ALK: variants seen among roughly 807,000 people sequenced by gnomAD.
The protein encoded by ALK is ALK receptor tyrosine kinase.
Under a neutral mutation model 163.1 loss-of-function variants are expected in ALK, and 74 were observed. The observed-to-expected ratio is 0.45, with a 90% CI of 0.38 to 0.55. ALK has a LOEUF of 0.55. Among genes scored for constraint, ALK ranks in the 20% least tolerant of loss-of-function variants. The pLI is 0.00. For missense variants in ALK, 2,063 were observed against 2,105.3 expected (o/e 0.98, Z 0.39); for synonymous variants, 960 against 843.2 (o/e 1.14, Z -2.40).
At chr2:29,566,018 G>A (rs1674176281) in intron 3 of ALK, among the ~76,000 whole-genome samples, 1 of 152,138 alleles carries the variant, frequency 6.6e-6, no homozygotes, top group Non-Finnish European at 1.5e-5. Context: ...AGCTGTGGAA[G>A]GTCTCCAGGA....
Position 29,228,927 on chromosome 2 carries a change from A to AAC in ALK, c.2771_2772insGT (p.Gly925LeufsTer15). The AAC allele has an allele frequency of 1.8e-6, 1 of 565,832 alleles. No individual in the cohort carries two copies. The highest frequency in any genetic ancestry group is 2.8e-6 in the Non-Finnish European group (1 of 361,464). 35.1% of individuals were successfully genotyped at this position (565,832 alleles called of 1,614,324 possible). A position where few individuals can be genotyped will look rare whatever the true frequency, so the allele number is the denominator to read the frequency against. ...CTCCACCTGAGGAGCACCCCCCTCC[A>AAC]CCCCCTCCGAAACCCCCTCTTGTCT... On this transcript the variant is annotated frameshift_variant, in exon 16 of 29. Transcript: ENST00000389048. LOFTEE classifies it high-confidence loss of function.
intron 7 of ALK, 52 bp from the exon 8 acceptor site, chr2:29,318,456 C>G (rs1309126302): frequency 7.6e-7 from 1 of 1,315,720 alleles, no homozygotes; most frequent in South Asian, 1.2e-5. Flanking sequence ...AACTGGGGGA[C>G]CAGGGGTGCA....
chr2:29,524,691 G>A (rs1476607115), intron 4 of ALK, among the ~76,000 whole-genome samples: 2 of 152,222 alleles, frequency 1.3e-5, no homozygotes, highest in Admixed American at 1.3e-4. Context: ...CTGTGGCTCT[G>A]TTGTTAACCT....
rs565129664 is a variant in ALK, at chr2:29,364,141, G to A, written c.1282+19591C>T. Among the ~76,000 whole-genome samples, 8 of 152,246 alleles carry A rather than the reference G, an allele frequency of 5.3e-5. No homozygotes were observed. In the East Asian group the frequency reaches 7.7e-4, roughly 15 times the overall value. On this transcript the variant is annotated intron_variant, in intron 5 of 28. Coordinates refer to ENST00000389048, the MANE Select transcript of ALK (RefSeq NM_004304.5). ...GAATCCTTCATGGTTAGAGATTAACGAAAGGGAGGCTATTCAGATACATGT... is the reference window on the plus strand; with the variant it reads ...GAATCCTTCATGGTTAGAGATTAACAAAAGGGAGGCTATTCAGATACATGT...
chr2:29,528,059 C>T (rs1673006982), intron 4 of ALK, among the ~76,000 whole-genome samples: 1 of 152,208 alleles, frequency 6.6e-6, no homozygotes. Flanking sequence ...TGGCTCAAGC[C>T]TGAGTTTCCT....
intron 12 of ALK, among the ~76,000 whole-genome samples, chr2:29,241,660 G>A (rs192195086): frequency 1.1e-3 from 168 of 152,096 alleles, no homozygotes; most frequent in Non-Finnish European, 1.9e-3. Context: ...AGTATGTCTG[G>A]CTGCAGCAGG....
chr2:29,383,870 T>G lies in ALK; in HGVS notation c.1155-11A>C. On this transcript the variant is annotated splice_polypyrimidine_tract_variant and intron_variant, in intron 4 of 28. Coordinates refer to ENST00000389048, the MANE Select transcript of ALK (RefSeq NM_004304.5). ...TGGAGCACTGTCCAACTGGTTGCAT[T>G]GGAAAACAGAGGAGAAAAGCATAGA... The G allele has an allele frequency of 1.2e-6, 2 of 1,613,612 alleles. No homozygotes were observed. The highest frequency in any genetic ancestry group is 1.7e-6 in the Non-Finnish European group (2 of 1,179,932).
At chr2:29,458,461 A>T (rs949088256) in intron 4 of ALK, among the ~76,000 whole-genome samples, 1 of 152,176 alleles carries the variant, frequency 6.6e-6, no homozygotes, top group African/African-American at 2.4e-5. Context: ...AGATGTCGCT[A>T]ATCATTACAC....
intron 6 of ALK, among the ~76,000 whole-genome samples, chr2:29,322,307 A>C (rs1328097470): frequency 6.6e-6 from 1 of 152,202 alleles, no homozygotes; most frequent in Non-Finnish European, 1.5e-5. Flanking sequence ...CAGAATTATA[A>C]ATTAAAACAG....
chr2:29,568,523 G>A (rs1390034276), intron 3 of ALK, among the ~76,000 whole-genome samples: 1 of 152,168 alleles, frequency 6.6e-6, no homozygotes, highest in Non-Finnish European at 1.5e-5. Context: ...CAAAGTGTAG[G>A]GAGGGCAGGC....
intron 4 of ALK, among the ~76,000 whole-genome samples, chr2:29,430,705 C>T (rs1397691519): frequency 1.3e-5 from 2 of 152,200 alleles, no homozygotes; most frequent in African/African-American, 4.8e-5. Context: ...GTGATAGGTA[C>T]TTATTGCCTG....
At chr2:29,689,355 A>G (rs1678328538) in intron 3 of ALK, among the ~76,000 whole-genome samples, 1 of 152,230 alleles carries the variant, frequency 6.6e-6, no homozygotes, top group South Asian at 2.1e-4. Flanking sequence ...CTATATCCTG[A>G]GAGAATTTTC....
intron 4 of ALK, among the ~76,000 whole-genome samples, chr2:29,404,539 C>A (rs951926535): frequency 6.6e-6 from 1 of 152,120 alleles, no homozygotes; most frequent in Admixed American, 6.5e-5. Flanking sequence ...AAGAATTCTA[C>A]CTTCAAGGAA....
At chr2:29,578,481 G>A (rs930033134) in intron 3 of ALK, among the ~76,000 whole-genome samples, 29 of 152,186 alleles carry the variant, frequency 1.9e-4, no homozygotes, top group African/African-American at 4.8e-4. Flanking sequence ...TGCTGATGCC[G>A]AAAGGGTCTT....
chr2:29,204,926 TGGCTGA>T (rs1360089303), intron 26 of ALK, among the ~76,000 whole-genome samples: 1 of 152,146 alleles, frequency 6.6e-6, no homozygotes, highest in Non-Finnish European at 1.5e-5. Flanking sequence ...CTTGAGCACC[TGGCTGA>T]GGTCGTTATT....
intron 1 of ALK, among the ~76,000 whole-genome samples, chr2:29,886,176 T>C (rs1403324458): frequency 6.6e-6 from 1 of 152,256 alleles, no homozygotes; most frequent in Non-Finnish European, 1.5e-5. Context: ...CTTATTTTAT[T>C]GTAAGAACAC....
intron 1 of ALK, among the ~76,000 whole-genome samples, chr2:29,878,444 G>T (rs1300913867): frequency 6.6e-6 from 1 of 152,172 alleles, no homozygotes; most frequent in Non-Finnish European, 1.5e-5. Context: ...AGGCTCACAT[G>T]ACTTGCCTGA....
intron 26 of ALK, among the ~76,000 whole-genome samples, chr2:29,201,371 C>T (rs1290135702): frequency 6.6e-6 from 1 of 152,192 alleles, no homozygotes; most frequent in Non-Finnish European, 1.5e-5. Context: ...TTTCCCAACT[C>T]AGCAGCACCT....
intron 3 of ALK, among the ~76,000 whole-genome samples, chr2:29,598,152 G>A (rs1456967132): frequency 6.6e-6 from 1 of 152,140 alleles, no homozygotes; most frequent in Non-Finnish European, 1.5e-5. Flanking sequence ...CTCACCTCCT[G>A]CGTAGCTGGG....
Sources: gnomAD v4.1 joint callset for allele counts (sites outside exome capture counted in the v4.1 genomes callset) on GRCh38, gnomAD v4.1.1 for gene constraint, MANE v1.5 for transcripts, NCBI Gene and HGNC (gene_info 2026-07-23, HGNC 2026-07-21) for gene names.